Variants in PLCL2 observed in about 807,000 individuals in gnomAD.
The protein encoded by PLCL2 is inactive phospholipase C-like protein 2.
In PLCL2, 4 loss-of-function variants were observed where a neutral mutation model predicts 79.6. That is an observed-to-expected ratio of 0.05 (90% CI 0.02 to 0.11). The LOEUF (loss-of-function observed/expected upper bound fraction) is 0.11. Among genes scored for constraint, PLCL2 ranks in the 10% least tolerant of loss-of-function variants. The pLI is 1.00. For synonymous variants in PLCL2, 484 were observed against 457.7 expected, an observed-to-expected ratio of 1.06 and a Z score of -0.73; for missense variants, 895 against 1,291.0, an observed-to-expected ratio of 0.69 and a Z score of 4.70.
intron 1 of PLCL2, among the ~76,000 whole-genome samples, chr3:16,969,218 C>G (rs531638960): frequency 3.3e-5 from 5 of 152,064 alleles, no homozygotes; most frequent in Admixed American, 3.3e-4. Flanking sequence ...TTTGTTGTGT[C>G]TCTTCCAGGT....
chr3:16,927,276 G>A (rs1227430471), intron 1 of PLCL2, among the ~76,000 whole-genome samples: 1 of 152,010 alleles, frequency 6.6e-6, no homozygotes, highest in Non-Finnish European at 1.5e-5. Flanking sequence ...AGTGACCAAA[G>A]TGAATATTTT....
At chr3:17,059,681 G>C (rs983780273) in intron 4 of PLCL2, among the ~76,000 whole-genome samples, 1 of 152,106 alleles carries the variant, frequency 6.6e-6, no homozygotes, top group Non-Finnish European at 1.5e-5. Context: ...CGTTTGTGCT[G>C]TGTGTGCATC....
At position 16,973,702 on chromosome 3, in the gene PLCL2, C is replaced by T. The variant is rs927377973; in HGVS notation, c.328-35972C>T. 2.0e-5 allele frequency among the ~76,000 whole-genome samples: 3 copies of T among 152,124 alleles called. No individual in the cohort carries two copies. The South Asian group carries it at 6.2e-4, about 32-fold the overall frequency. On this transcript the variant is annotated intron_variant, in intron 1 of 5. Coordinates refer to ENST00000615277, the MANE Select transcript of PLCL2 (RefSeq NM_001144382.2). ...GCTGTTGTCAGTATTCTGTTGTGAC[C>T]TTGGACCATTTACTTTCATATACTC...
intron 2 of PLCL2, among the ~76,000 whole-genome samples, chr3:17,014,495 A>T (rs937757763): frequency 6.6e-6 from 1 of 152,296 alleles, no homozygotes; most frequent in South Asian, 2.1e-4. Context: ...AGTACTTTTG[A>T]TAAATTGGTG....
chr3:16,896,169 C>T (rs1346208926), intron 1 of PLCL2, among the ~76,000 whole-genome samples: 1 of 152,234 alleles, frequency 6.6e-6, no homozygotes, highest in Non-Finnish European at 1.5e-5. Context: ...GTTACTTCCT[C>T]CTGCACTATT....
chr3:17,070,066 A>G (rs2065048227), intron 5 of PLCL2, among the ~76,000 whole-genome samples: 1 of 152,186 alleles, frequency 6.6e-6, no homozygotes, highest in African/African-American at 2.4e-5. Context: ...CTTTAATTTT[A>G]TTAGAGGCAA....
intron 5 of PLCL2, among the ~76,000 whole-genome samples, chr3:17,072,018 G>C (rs961815282): frequency 6.6e-6 from 1 of 151,966 alleles, no homozygotes; most frequent in Admixed American, 6.6e-5. Context: ...GTAGAGACAG[G>C]GTTTCACTAT....
intron 3 of PLCL2, among the ~76,000 whole-genome samples, chr3:17,015,208 C>G (rs1280651203): frequency 6.6e-6 from 1 of 152,130 alleles, no homozygotes; most frequent in East Asian, 1.9e-4. Flanking sequence ...GATGTAGGAA[C>G]GAGTTTTTAA....
intron 1 of PLCL2, among the ~76,000 whole-genome samples, chr3:16,972,918 G>A (rs113252848): frequency 0.018 from 2,723 of 152,142 alleles, 93 homozygotes; most frequent in African/African-American, 0.062. Context: ...CATACAGTTG[G>A]TTCTTGCCTC....
Position 16,946,599 on chromosome 3 carries a change from G to A in PLCL2, c.327+61233G>A, listed in dbSNP as rs528587824. ...GTTTTTATGGGAGAATGAATTCAGGGTTGTAAACAACCGACCTATGTAGAA... is the reference window on the plus strand; with the variant it reads ...GTTTTTATGGGAGAATGAATTCAGGATTGTAAACAACCGACCTATGTAGAA... On this transcript the variant is annotated intron_variant, in intron 1 of 5. Transcript: ENST00000615277. 1.5e-4 allele frequency among the ~76,000 whole-genome samples: 23 copies of A among 152,212 alleles called. No individual in the cohort carries two copies. In the South Asian group the frequency reaches 4.6e-3, roughly 30 times the overall value.
chr3:16,995,692 G>T (rs569577698), intron 1 of PLCL2, among the ~76,000 whole-genome samples: 1 of 152,208 alleles, frequency 6.6e-6, no homozygotes, highest in East Asian at 1.9e-4. Context: ...ACTAAAATTG[G>T]GCTTATTTTT....
At chr3:17,088,815 G>A (rs1202381261) in intron 5 of PLCL2, among the ~76,000 whole-genome samples, 1 of 152,106 alleles carries the variant, frequency 6.6e-6, no homozygotes, top group East Asian at 1.9e-4. Context: ...AACTTCATTG[G>A]CCCATTGTCA....
chr3:16,977,972 T>A (rs1479474423), intron 1 of PLCL2, among the ~76,000 whole-genome samples: 1 of 152,186 alleles, frequency 6.6e-6, no homozygotes, highest in East Asian at 1.9e-4. Context: ...ACTAATCCCA[T>A]TTATTAGGGC....
At chr3:17,061,052 T>C (rs1442135510) in intron 4 of PLCL2, among the ~76,000 whole-genome samples, 1 of 152,218 alleles carries the variant, frequency 6.6e-6, no homozygotes, top group African/African-American at 2.4e-5. Flanking sequence ...ATGAAGAATT[T>C]TTAAAACTAT....
In PLCL2 at chr3:16,886,211, C is replaced by CA. The variant is rs1027636296; in HGVS notation, c.327+854dup. Among the ~76,000 whole-genome samples the CA allele has an allele frequency of 1.9e-4, 29 of 150,354 alleles. No individual in the cohort carries two copies. Among genetic ancestry groups the CA allele is most frequent in the Non-Finnish European group, 2.8e-4 (19 of 67,490 alleles). ...AAAATATTTTTCATGACATGAAGTGCAAAAAAAAATAGTTGATGAGCTAAG... is the reference window on the plus strand; with the variant it reads ...AAAATATTTTTCATGACATGAAGTGCAAAAAAAAAATAGTTGATGAGCTAAG... On this transcript the variant is annotated intron_variant, in intron 1 of 5. Coordinates refer to ENST00000615277, the MANE Select transcript of PLCL2 (RefSeq NM_001144382.2). The surrounding 1 kb of genome is among the most constrained non-coding windows in gnomAD (Gnocchi z 4.2).
At chr3:17,069,874 C>A (rs969744460) in intron 5 of PLCL2, among the ~76,000 whole-genome samples, 16 of 151,980 alleles carry the variant, frequency 1.1e-4, no homozygotes, top group Non-Finnish European at 1.5e-4. Flanking sequence ...ATACTTTAAC[C>A]CTGATTGTTT....
chr3:17,047,303 A>G (rs570013265), intron 4 of PLCL2, among the ~76,000 whole-genome samples: 8 of 152,354 alleles, frequency 5.3e-5, no homozygotes, highest in South Asian at 2.1e-4. Flanking sequence ...AAGAGCCCGC[A>G]TAGGACACCT....
At chr3:16,953,879 T>C (rs1051141476) in intron 1 of PLCL2, among the ~76,000 whole-genome samples, 35 of 152,286 alleles carry the variant, frequency 2.3e-4, no homozygotes, top group Non-Finnish European at 4.9e-4. Flanking sequence ...AAGTATCATA[T>C]AAAGTTGAAA....
chr3:16,981,359 G>T (rs2063995326), intron 1 of PLCL2, among the ~76,000 whole-genome samples: 1 of 152,080 alleles, frequency 6.6e-6, no homozygotes, highest in Admixed American at 6.5e-5. Context: ...CACAACATAC[G>T]TCAAAGGTTT....
Sources: gnomAD v4.1 joint callset for allele counts (sites outside exome capture counted in the v4.1 genomes callset) on GRCh38, gnomAD v4.1.1 for gene constraint, Gnocchi (gnomAD v3.1) non-coding constraint, MANE v1.5 for transcripts, NCBI Gene and HGNC (gene_info 2026-07-23, HGNC 2026-07-21) for gene names.